PPIG: variants seen among roughly 807,000 people sequenced by gnomAD.
PPIG encodes the protein peptidyl-prolyl cis-trans isomerase G.
Under a neutral mutation model 87.9 loss-of-function variants are expected in PPIG, and 26 were observed. That is an observed-to-expected ratio of 0.30 (90% CI 0.22 to 0.41). The LOEUF is 0.41. Among genes scored for constraint, PPIG ranks in the 10% least tolerant of loss-of-function variants. PPIG has a pLI of 1.00. For missense variants in PPIG, 722 were observed against 879.4 expected, an observed-to-expected ratio of 0.82 and a Z score of 2.26; for synonymous variants, 308 against 276.5, an observed-to-expected ratio of 1.11 and a Z score of -1.13.
At chr2:169,618,380 G>C (rs111608661) in intron 9 of PPIG, among the ~76,000 whole-genome samples, 3,869 of 152,248 alleles carry the variant, frequency 0.025, 180 homozygotes, top group African/African-American at 0.088. Flanking sequence ...AATGAGTTAG[G>C]GAGGAGTCCC....
intron 12 of PPIG, chr2:169,633,615 T>A: frequency 3.7e-6 from 1 of 270,652 alleles, no homozygotes. Context: ...AATTTAAATA[T>A]CTTGTGCTTT....
intron 9 of PPIG, among the ~76,000 whole-genome samples, chr2:169,622,794 C>T (rs1900383): frequency 0.6 from 90,714 of 152,084 alleles, 27,697 homozygotes; most frequent in African/African-American, 0.73. Flanking sequence ...ATGCATCTTA[C>T]ATATAAGCAG....
intron 7 of PPIG, among the ~76,000 whole-genome samples, chr2:169,609,245 C>A (rs1685421439): frequency 6.6e-6 from 1 of 152,024 alleles, no homozygotes; most frequent in Non-Finnish European, 1.5e-5. Flanking sequence ...AGGTCTTGCT[C>A]TGTCACCCAG....
chr2:169,618,045 G>A (rs1437435545), intron 9 of PPIG, among the ~76,000 whole-genome samples: 1 of 152,160 alleles, frequency 6.6e-6, no homozygotes, highest in Non-Finnish European at 1.5e-5. Context: ...CTAGTTTATT[G>A]AGAGTTTTTA....
intron 9 of PPIG, among the ~76,000 whole-genome samples, chr2:169,622,110 A>C (rs1247936613): frequency 6.6e-6 from 1 of 152,102 alleles, no homozygotes; most frequent in Non-Finnish European, 1.5e-5. Flanking sequence ...TTATATGTTC[A>C]GAAAGAGATT....
At chr2:169,635,117 C>T (rs1250402124) in intron 12 of PPIG, among the ~76,000 whole-genome samples, 4 of 152,044 alleles carry the variant, frequency 2.6e-5, no homozygotes, top group Non-Finnish European at 5.9e-5. Context: ...GTTTTGACCC[C>T]GAGTCTTTAG....
chr2:169,636,291 A>G, intron 13 of PPIG, 63 bp downstream of exon 13: 1 of 1,507,728 alleles, frequency 6.6e-7, no homozygotes, highest in South Asian at 1.4e-5. Flanking sequence ...TATTATACAT[A>G]AAGTTATTGT....
At chr2:169,634,162 G>T (rs780970422) in intron 12 of PPIG, among the ~76,000 whole-genome samples, 1 of 152,022 alleles carries the variant, frequency 6.6e-6, no homozygotes, top group Non-Finnish European at 1.5e-5. Context: ...CCAGTCTCAA[G>T]CAATCCTCCC....
At chr2:169,599,025 C>A (rs1049195356) in intron 1 of PPIG, among the ~76,000 whole-genome samples, 5 of 151,924 alleles carry the variant, frequency 3.3e-5, no homozygotes, top group African/African-American at 1.2e-4. Flanking sequence ...TAACCTTGCA[C>A]ATATCTTATT....
At chr2:169,635,123 T>G (rs1053400918) in intron 12 of PPIG, among the ~76,000 whole-genome samples, 1 of 152,228 alleles carries the variant, frequency 6.6e-6, no homozygotes, top group African/African-American at 2.4e-5. Flanking sequence ...ACCCCGAGTC[T>G]TTAGATCCTA....
chr2:169,610,665 TTC>T (rs904210611), intron 7 of PPIG, among the ~76,000 whole-genome samples: 1 of 152,202 alleles, frequency 6.6e-6, no homozygotes. Context: ...CTTCCTGTAT[TTC>T]TGTTTGTAAA....
At chr2:169,625,204 T>C (rs1685853006) in intron 9 of PPIG, among the ~76,000 whole-genome samples, 1 of 152,210 alleles carries the variant, frequency 6.6e-6, no homozygotes, top group Non-Finnish European at 1.5e-5. Flanking sequence ...CTTCCTGTCT[T>C]AACTGAAACT....
intron 9 of PPIG, among the ~76,000 whole-genome samples, chr2:169,622,625 G>T (rs535044855): frequency 3.9e-5 from 6 of 152,228 alleles, no homozygotes; most frequent in Non-Finnish European, 8.8e-5. Flanking sequence ...TTTCTAAAAG[G>T]TCAGATTTGT....
At chr2:169,634,781 A>AC (rs1246229611) in intron 12 of PPIG, among the ~76,000 whole-genome samples, 4 of 152,046 alleles carry the variant, frequency 2.6e-5, no homozygotes, top group Non-Finnish European at 4.4e-5. Context: ...TTCAAGCTTT[A>AC]CCCCTGCCAT....
At chr2:169,630,525 G>GT (rs1188019692) in intron 9 of PPIG, among the ~76,000 whole-genome samples, 3 of 152,154 alleles carry the variant, frequency 2.0e-5, no homozygotes, top group Non-Finnish European at 4.4e-5. Flanking sequence ...GTTAACATTA[G>GT]TTTAGCATTT....
At chr2:169,584,734 T>C in intron 1 of PPIG, 1 of 312,138 alleles carries the variant, frequency 3.2e-6, no homozygotes, top group Non-Finnish European at 6.1e-6. Flanking sequence ...CTGGGGACGG[T>C]CCTTCCTCTG....
At chr2:169,636,059 A>G (rs1214153580) in intron 12 of PPIG, 33 bp from the exon 13 acceptor site, 2 of 1,541,982 alleles carry the variant, frequency 1.3e-6, no homozygotes, top group Admixed American at 3.7e-5. Flanking sequence ...ATACTTCTAT[A>G]CATTAATTTT....
At chr2:169,630,127 C>T (rs1305490235) in intron 9 of PPIG, among the ~76,000 whole-genome samples, 3 of 135,104 alleles carry the variant, frequency 2.2e-5, no homozygotes, top group African/African-American at 5.8e-5. Flanking sequence ...ATTAATTGAT[C>T]CTTTAAACTC....
At position 169,614,669 on chromosome 2, in the gene PPIG, A is replaced by G; in HGVS notation, c.492A>G (p.Lys164=). 6.2e-7 allele frequency: 1 copy of G among 1,612,596 alleles called. No homozygotes were observed. Residue 164 remains lysine (K), a synonymous_variant, in exon 9 of 14, where the codon AAA becomes AAG. Transcript: ENST00000260970. Reference sequence around the variant, plus strand: ...ACCAGAAAACAGATGCAGCTAGCAAACCGTTTGCGGAGGTACGGATACTCA... The same window carrying G: ...ACCAGAAAACAGATGCAGCTAGCAAGCCGTTTGCGGAGGTACGGATACTCA... ...IENQKTDAAS[K]PFAEVRILSC...
Sources: gnomAD v4.1 joint callset for allele counts (sites outside exome capture counted in the v4.1 genomes callset) on GRCh38, gnomAD v4.1.1 for gene constraint, MANE v1.5 for transcripts, NCBI Gene and HGNC (gene_info 2026-07-23, HGNC 2026-07-21) for gene names.